Variants in ROCK2 observed in about 807,000 individuals in gnomAD.
ROCK2 encodes the protein Rho associated coiled-coil containing protein kinase 2.
ROCK2 carries 61 observed loss-of-function variants against 195.1 expected under a neutral mutation model. That is an observed-to-expected ratio of 0.31 (90% CI 0.25 to 0.39). ROCK2 has a LOEUF of 0.39. ROCK2 is among the 10% of genes least tolerant of loss of function. ROCK2 has a pLI of 1.00. For missense variants in ROCK2, 1,109 were observed against 1,637.4 expected, an observed-to-expected ratio of 0.68 and a Z score of 5.57; for synonymous variants, 504 against 545.5, an observed-to-expected ratio of 0.92 and a Z score of 1.06.
In ROCK2 at chr2:11,192,330, C is replaced by T. The variant is rs1297231750; in HGVS notation, c.3981G>A (p.Leu1327=). The T allele has an allele frequency of 1.2e-6, 2 of 1,613,084 alleles. No homozygotes were observed. Among genetic ancestry groups the T allele is most frequent in the African/African-American group, 1.3e-5 (1 of 74,730 alleles). Residue 1327 remains leucine, a synonymous_variant, in exon 32 of 33, where the codon CTG becomes CTA. Coordinates refer to ENST00000315872, the MANE Select transcript of ROCK2 (RefSeq NM_004850.5). This position sits in a 1 kb window ranked among gnomAD's most constrained non-coding sequence, Gnocchi z 5.0. ...CTTCTGTAGAATTTGCTAGTAATAA[C>T]AGATTCTTTGCCGTTGAAATATCAT... is the stretch of plus-strand genomic sequence containing the variant. ...VYYDISTAKN[L]LLLANSTEEQ... is the part of the protein sequence containing the mutation.
At chr2:11,338,366 G>T (rs2148277077) in intron 1 of ROCK2, among the ~76,000 whole-genome samples, 1 of 152,004 alleles carries the variant, frequency 6.6e-6, no homozygotes, top group African/African-American at 2.4e-5. Flanking sequence ...AAAAAATCAA[G>T]CCAAAATATA....
chr2:11,345,120 C>T (rs1233550853), upstream of ROCK2, among the ~76,000 whole-genome samples: 2 of 152,178 alleles, frequency 1.3e-5, no homozygotes, highest in African/African-American at 4.8e-5. Flanking sequence ...GCTCGGCGCC[C>T]GCGAGGGGCC....
intron 1 of ROCK2, among the ~76,000 whole-genome samples, chr2:11,319,638 T>C (rs1430117981): frequency 6.6e-6 from 1 of 152,162 alleles, no homozygotes; most frequent in Non-Finnish European, 1.5e-5. Context: ...CAACACTATG[T>C]TGAATAGGAG....
intron 8 of ROCK2, 62 bp from the exon 9 acceptor site, chr2:11,221,419 TTA>T: frequency 8.4e-7 from 1 of 1,189,402 alleles, no homozygotes; most frequent in Non-Finnish European, 1.1e-6. Context: ...CCATCCTATT[TTA>T]TTATGATGTA....
chr2:11,292,491 T>G (rs1667392397), intron 1 of ROCK2, among the ~76,000 whole-genome samples: 1 of 152,150 alleles, frequency 6.6e-6, no homozygotes, highest in East Asian at 1.9e-4. Context: ...GAATTAAAAT[T>G]TTATGATGCT....
chr2:11,295,125 A>G (rs1355239815), intron 1 of ROCK2, among the ~76,000 whole-genome samples: 1 of 73,028 alleles, frequency 1.4e-5, no homozygotes, highest in Non-Finnish European at 3.6e-5. Flanking sequence ...TAAATCAACA[A>G]TTTTATCTTT....
chr2:11,254,293 C>T (rs1181373196), intron 3 of ROCK2, among the ~76,000 whole-genome samples: 1 of 152,092 alleles, frequency 6.6e-6, no homozygotes, highest in Non-Finnish European at 1.5e-5. Flanking sequence ...CCCATAATTG[C>T]CCAGAAACTC....
At chr2:11,211,868 A>C (rs1237909173) in intron 17 of ROCK2, 28 bp from the exon 18 acceptor site, 10 of 1,513,680 alleles carry the variant, frequency 6.6e-6, no homozygotes, top group Middle Eastern at 1.8e-4. Context: ...TGCAGCTATC[A>C]ACAAAAAAGA....
At chr2:11,289,890 GCTCAA>G (rs1305838096) in intron 1 of ROCK2, among the ~76,000 whole-genome samples, 1 of 152,156 alleles carries the variant, frequency 6.6e-6, no homozygotes, top group East Asian at 1.9e-4. Context: ...CTGAACATTT[GCTCAA>G]CTCAACCATC....
chr2:11,308,402 A>C, intron 1 of ROCK2: 3 of 1,591,776 alleles, frequency 1.9e-6, no homozygotes, highest in South Asian at 2.2e-5. Context: ...TGAAGAAGAG[A>C]ATTTGGAATC....
chr2:11,341,574 T>A (rs190934765), intron 1 of ROCK2, among the ~76,000 whole-genome samples: 1 of 152,340 alleles, frequency 6.6e-6, no homozygotes, highest in African/African-American at 2.4e-5. Context: ...GTGTACTTCA[T>A]CTTCTTTTGT....
Position 11,334,601 on chromosome 2 carries a change from T to C in ROCK2, c.141+9395A>G, listed in dbSNP as rs556127405. 6.0e-5 allele frequency among the ~76,000 whole-genome samples: 9 copies of C among 151,084 alleles called. No homozygotes were observed. In the East Asian group the frequency reaches 1.7e-3, roughly 29 times the overall value. On this transcript the variant is annotated intron_variant, in intron 1 of 32. Transcript: ENST00000315872. Reference sequence around the variant, plus strand: ...AAAAGACTCGTACTAAAAGAGCTCATATTCTGTGCATTAAATAAAAATAAA... The same window carrying C: ...AAAAGACTCGTACTAAAAGAGCTCACATTCTGTGCATTAAATAAAAATAAA...
At chr2:11,260,755 T>C (rs1323162050) in intron 3 of ROCK2, among the ~76,000 whole-genome samples, 1 of 152,158 alleles carries the variant, frequency 6.6e-6, no homozygotes, top group Admixed American at 6.5e-5. Flanking sequence ...CATTTACATA[T>C]GAGATAACTA....
chr2:11,317,210 A>C (rs1172575709), intron 1 of ROCK2, among the ~76,000 whole-genome samples: 1 of 152,064 alleles, frequency 6.6e-6, no homozygotes, highest in Non-Finnish European at 1.5e-5. Context: ...AAAAGAAATA[A>C]GTGGCCTGAA....
chr2:11,271,768 C>T (rs1005973585), intron 3 of ROCK2, among the ~76,000 whole-genome samples: 14 of 152,158 alleles, frequency 9.2e-5, no homozygotes, highest in Admixed American at 6.5e-4. Flanking sequence ...TGGCTCACGC[C>T]TGTAATCCCA....
intron 1 of ROCK2, among the ~76,000 whole-genome samples, chr2:11,297,719 A>G (rs983038311): frequency 2.0e-5 from 3 of 152,288 alleles, no homozygotes; most frequent in East Asian, 1.9e-4. Context: ...TTAAGTCTAT[A>G]TGCTAAGTAT....
intron 18 of ROCK2, among the ~76,000 whole-genome samples, chr2:11,210,931 C>T (rs1436790771): frequency 1.3e-5 from 2 of 152,046 alleles, no homozygotes; most frequent in Non-Finnish European, 2.9e-5. Context: ...AATTAAAAGG[C>T]TATTTTTTCT....
chr2:11,258,984 A>C (rs1666131554), intron 3 of ROCK2, among the ~76,000 whole-genome samples: 1 of 151,274 alleles, frequency 6.6e-6, no homozygotes, highest in South Asian at 2.1e-4. Flanking sequence ...AGGGTGACAG[A>C]CTGGAGGAAA....
At chr2:11,255,751 C>T (rs927358715) in intron 3 of ROCK2, among the ~76,000 whole-genome samples, 1 of 149,960 alleles carries the variant, frequency 6.7e-6, no homozygotes, top group Admixed American at 6.6e-5. Context: ...GAAACCCCGT[C>T]TCTACTAAAA....
Sources: allele counts gnomAD v4.1 joint callset (sites outside exome capture counted in the v4.1 genomes callset), GRCh38; gene constraint gnomAD v4.1.1; non-coding constraint Gnocchi (gnomAD v3.1); transcripts MANE v1.5; gene names NCBI Gene and HGNC (gene_info 2026-07-23, HGNC 2026-07-21).